The following ACOXL variants were observed in gnomAD, a reference collection of about 807,000 sequenced individuals.
ACOXL encodes acyl-CoA oxidase like.
In ACOXL, 70 loss-of-function variants were observed where a neutral mutation model predicts 71.9. That is an observed-to-expected ratio of 0.97 (90% CI 0.80 to 1.19). ACOXL has a LOEUF of 1.19. Among genes scored for constraint, ACOXL ranks in the 50% most tolerant of loss-of-function variants. ACOXL has a pLI of 0.00. For synonymous variants in ACOXL, 253 were observed against 281.6 expected (o/e 0.90, Z 1.02); for missense variants, 703 against 736.3 (o/e 0.95, Z 0.52).
At chr2:110,931,654 TC>T (rs994176772) in intron 11 of ACOXL, among the ~76,000 whole-genome samples, 4 of 152,184 alleles carry the variant, frequency 2.6e-5, no homozygotes, top group African/African-American at 9.7e-5. Flanking sequence ...GCCTCAGTTT[TC>T]CCAACAACTC....
intron 11 of ACOXL, among the ~76,000 whole-genome samples, chr2:110,927,622 C>T (rs1341722253): frequency 6.6e-6 from 1 of 152,228 alleles, no homozygotes; most frequent in Non-Finnish European, 1.5e-5. Flanking sequence ...TATAAGCTTC[C>T]TGGAGTAGCA....
chr2:110,943,847 T>G (rs1449348673), intron 12 of ACOXL, among the ~76,000 whole-genome samples: 3 of 151,962 alleles, frequency 2.0e-5, no homozygotes, highest in Non-Finnish European at 4.4e-5. Context: ...TTTTATTTGT[T>G]TTTTTTAATA....
chr2:111,039,735 C>T (rs536587554), intron 15 of ACOXL, among the ~76,000 whole-genome samples: 58 of 152,292 alleles, frequency 3.8e-4, no homozygotes, highest in African/African-American at 1.3e-3. Context: ...AGATAATTCT[C>T]GTAGATTTTT....
At chr2:110,764,614 A>C (rs1374273911) in intron 1 of ACOXL, among the ~76,000 whole-genome samples, 5 of 152,210 alleles carry the variant, frequency 3.3e-5, no homozygotes, top group East Asian at 3.8e-4. Context: ...AGAATGTACA[A>C]TTCCAAGAAT....
At chr2:110,965,010 T>C (rs941913957) in intron 12 of ACOXL, among the ~76,000 whole-genome samples, 2 of 152,204 alleles carry the variant, frequency 1.3e-5, no homozygotes, top group African/African-American at 4.8e-5. Context: ...CTGGTATCTA[T>C]CATTCTACGC....
intron 16 of ACOXL, among the ~76,000 whole-genome samples, chr2:111,060,577 T>C (rs1053421106): frequency 2.6e-5 from 4 of 152,182 alleles, no homozygotes; most frequent in African/African-American, 9.7e-5. Flanking sequence ...AATTTCATCA[T>C]AGAATACCAA....
chr2:110,882,059 GT>G (rs1360862298), intron 10 of ACOXL, among the ~76,000 whole-genome samples: 1 of 152,162 alleles, frequency 6.6e-6, no homozygotes, highest in Non-Finnish European at 1.5e-5. Context: ...ACAGTTTTAA[GT>G]GGTGTACCAT....
intron 13 of ACOXL, among the ~76,000 whole-genome samples, chr2:110,995,437 T>C (rs532025294): frequency 5.2e-4 from 68 of 129,922 alleles, no homozygotes; most frequent in Non-Finnish European, 9.3e-4. Flanking sequence ...GAGGTGGAGG[T>C]TGCAGTGAGC....
At chr2:110,873,241 C>T (rs577667318) in intron 10 of ACOXL, among the ~76,000 whole-genome samples, 26 of 152,172 alleles carry the variant, frequency 1.7e-4, no homozygotes, top group Non-Finnish European at 3.2e-4. Context: ...GATCCTCGGG[C>T]AACAGGGGGC....
chr2:111,014,317 G>A (rs545622446), intron 14 of ACOXL, among the ~76,000 whole-genome samples: 5 of 152,184 alleles, frequency 3.3e-5, no homozygotes, highest in African/African-American at 7.2e-5. Context: ...TATCTAAAAC[G>A]AATTTTGTTT....
intron 2 of ACOXL, among the ~76,000 whole-genome samples, chr2:110,774,443 C>CA (rs1682385634): frequency 6.6e-6 from 1 of 151,958 alleles, no homozygotes; most frequent in Non-Finnish European, 1.5e-5. Context: ...CAAGATTCCA[C>CA]AAAAAATCTG....
intron 10 of ACOXL, among the ~76,000 whole-genome samples, chr2:110,866,081 G>A (rs1391608147): frequency 1.3e-5 from 2 of 152,224 alleles, no homozygotes; most frequent in African/African-American, 2.4e-5. Context: ...CGGAAGGCGG[G>A]GAGGTCAGGC....
chr2:110,917,546 C>G (rs889616020), intron 11 of ACOXL, among the ~76,000 whole-genome samples: 5 of 152,228 alleles, frequency 3.3e-5, no homozygotes, highest in Non-Finnish European at 7.3e-5. Context: ...ATTGGGAGTT[C>G]TGGCCAGGGC....
At chr2:111,061,038 A>G (rs1459605722) in intron 16 of ACOXL, among the ~76,000 whole-genome samples, 1 of 152,198 alleles carries the variant, frequency 6.6e-6, no homozygotes, top group Non-Finnish European at 1.5e-5. Context: ...GACTATAACA[A>G]AAACTAAATT....
At chr2:111,052,206 G>A (rs917458007) in intron 16 of ACOXL, among the ~76,000 whole-genome samples, 10 of 152,180 alleles carry the variant, frequency 6.6e-5, no homozygotes, top group African/African-American at 4.8e-5. Context: ...CTAGTCAGCC[G>A]GCAATAGAAC....
intron 9 of ACOXL, among the ~76,000 whole-genome samples, chr2:110,834,141 G>C (rs1478029036): frequency 6.6e-6 from 1 of 151,596 alleles, no homozygotes; most frequent in East Asian, 1.9e-4. Context: ...TCTTCTCTTT[G>C]TCCTCTTCCT....
chr2:110,806,848 C>T (rs569917038), intron 9 of ACOXL, among the ~76,000 whole-genome samples: 3 of 152,086 alleles, frequency 2.0e-5, no homozygotes, highest in African/African-American at 2.4e-5. Flanking sequence ...CCTGCAGGCT[C>T]ATTGGGGTCC....
intron 13 of ACOXL, among the ~76,000 whole-genome samples, chr2:110,989,668 G>A (rs1263684291): frequency 1.1e-4 from 17 of 152,220 alleles, no homozygotes; most frequent in Admixed American, 1.1e-3. Flanking sequence ...TTGGGAAGAT[G>A]AAAACGTTGT....
At position 111,117,637 on chromosome 2, in the gene ACOXL, G is replaced by A; in HGVS notation, c.1564G>A (p.Val522Met). The A allele has an allele frequency of 6.4e-7, 1 of 1,551,788 alleles. No individual in the cohort carries two copies. The highest frequency in any genetic ancestry group is 1.2e-5 in the South Asian group (1 of 84,064). ...RNQLLDLCDS[V>M]KDDARRVIST... ...GCAGTTGCTGGATTTGTGCGACTCG[G>A]TGAAGGATGATGCCCGGAGGGTGAT... is the stretch of plus-strand genomic sequence containing the variant. Residue 522 changes from valine (V) to methionine (M), a missense_variant, in exon 18 of 18, where the codon GTG becomes ATG. Physicochemically the swap from Val to Met is conservative, Grantham distance 21. Coordinates refer to ENST00000439055, the MANE Select transcript of ACOXL (RefSeq NM_001142807.4).
Sources: allele counts gnomAD v4.1 joint callset (sites outside exome capture counted in the v4.1 genomes callset), GRCh38; gene constraint gnomAD v4.1.1; transcripts MANE v1.5; gene names NCBI Gene and HGNC (gene_info 2026-07-23, HGNC 2026-07-21).